AKAP13: variants seen among roughly 807,000 people sequenced by gnomAD.
The protein encoded by AKAP13 is A-kinase anchor protein 13.
A neutral mutation model predicts 264.5 loss-of-function variants in AKAP13; 80 were observed. The ratio of observed to expected loss-of-function variants is 0.30; its 90% CI spans 0.25 to 0.36. The LOEUF is 0.36. Among genes scored for constraint, AKAP13 ranks in the 10% least tolerant of loss-of-function variants. AKAP13 has a pLI of 1.00. For missense variants in AKAP13, 3,712 were observed against 3,435.2 expected (o/e 1.08, Z -2.01); for synonymous variants, 1,380 against 1,250.2 (o/e 1.10, Z -2.19).
intron 36 of AKAP13, chr15:85,744,321 T>C (rs1348908283): frequency 5.6e-6 from 2 of 357,634 alleles, no homozygotes; most frequent in African/African-American, 2.2e-5. Context: ...CTTTTTCCCC[T>C]GAATCCTTCT....
At chr15:85,494,819 C>T (rs1016812276) in intron 2 of AKAP13, among the ~76,000 whole-genome samples, 1 of 151,692 alleles carries the variant, frequency 6.6e-6, no homozygotes, top group African/African-American at 2.4e-5. Context: ...AAAGTACATG[C>T]GCAGAGAAGT....
intron 5 of AKAP13, among the ~76,000 whole-genome samples, chr15:85,550,682 C>G (rs1350633145): frequency 6.6e-6 from 1 of 152,132 alleles, no homozygotes; most frequent in Non-Finnish European, 1.5e-5. Flanking sequence ...CATAGTAAAG[C>G]AAAAGATGAA....
chr15:85,594,090 T>C (rs1017544044), intron 8 of AKAP13, among the ~76,000 whole-genome samples: 4 of 152,202 alleles, frequency 2.6e-5, no homozygotes, highest in Admixed American at 1.3e-4. Flanking sequence ...ATTAGGCCCA[T>C]CTTAAGACAG....
intron 1 of AKAP13, among the ~76,000 whole-genome samples, chr15:85,445,610 C>G (rs555749336): frequency 6.6e-6 from 1 of 152,280 alleles, no homozygotes; most frequent in Admixed American, 6.5e-5. Flanking sequence ...TTTGGACTTT[C>G]ATAGCACTGT....
At chr15:85,454,798 C>A (rs1458966786) in intron 1 of AKAP13, among the ~76,000 whole-genome samples, 1 of 152,118 alleles carries the variant, frequency 6.6e-6, no homozygotes, top group African/African-American at 2.4e-5. Flanking sequence ...ACTTTGCACA[C>A]CTTAGTTGTT....
At chr15:85,674,552 A>C (rs1040575137) in intron 14 of AKAP13, among the ~76,000 whole-genome samples, 1 of 152,202 alleles carries the variant, frequency 6.6e-6, no homozygotes, top group African/African-American at 2.4e-5. Flanking sequence ...TGCTTATGGC[A>C]TGTGAGTTTG....
chr15:85,611,991 A>G (rs779071212), intron 8 of AKAP13, among the ~76,000 whole-genome samples: 3 of 152,198 alleles, frequency 2.0e-5, no homozygotes, highest in South Asian at 2.1e-4. Flanking sequence ...TAATTATTTA[A>G]TATCCATTTT....
At chr15:85,593,722 C>T (rs552995535) in intron 8 of AKAP13, among the ~76,000 whole-genome samples, 1 of 152,162 alleles carries the variant, frequency 6.6e-6, no homozygotes, top group South Asian at 2.1e-4. Context: ...GTGTCTCATG[C>T]CACCCCCTCT....
At chr15:85,684,513 A>G (rs545774675) in intron 15 of AKAP13, 12 of 420,358 alleles carry the variant, frequency 2.9e-5, no homozygotes, top group African/African-American at 2.4e-4. Context: ...GCAGTGAGCT[A>G]TCATCACACC....
chr15:85,688,534 A>G (rs754532325), intron 16 of AKAP13, among the ~76,000 whole-genome samples: 7 of 152,204 alleles, frequency 4.6e-5, no homozygotes, highest in Non-Finnish European at 8.8e-5. Context: ...TTCCTTTTGC[A>G]TGATATATAT....
intron 33 of AKAP13, among the ~76,000 whole-genome samples, chr15:85,739,833 C>T (rs2088826677): frequency 6.6e-6 from 1 of 152,134 alleles, no homozygotes; most frequent in Admixed American, 6.5e-5. Flanking sequence ...CCAATTTTCT[C>T]AGAACAATTA....
chr15:85,714,878 A>G (rs571085841), intron 19 of AKAP13, among the ~76,000 whole-genome samples: 2 of 152,236 alleles, frequency 1.3e-5, no homozygotes, highest in African/African-American at 2.4e-5. Flanking sequence ...GCGGCAGGAG[A>G]ATGGCATGAA....
At chr15:85,720,906 G>C (rs947414530) in intron 23 of AKAP13, among the ~76,000 whole-genome samples, 2 of 152,224 alleles carry the variant, frequency 1.3e-5, no homozygotes, top group Admixed American at 1.3e-4. Flanking sequence ...AAGTAAGCAT[G>C]TTATGAAATA....
intron 1 of AKAP13, among the ~76,000 whole-genome samples, chr15:85,447,138 G>A (rs562680234): frequency 2.8e-4 from 42 of 152,132 alleles, no homozygotes; most frequent in African/African-American, 6.5e-4. Context: ...GTGGTGGTGC[G>A]CACCTGTAAT....
In AKAP13 at chr15:85,477,993, G is replaced by A. The variant is rs138652187; in HGVS notation, c.-11-7717G>A. The stretch of plus-strand genomic sequence containing the variant: ...TTCTATCCTGTGCTTCTCCTCCTGT[G>A]TCCACTTGGTGGAACTTTCCCCATG... On this transcript the variant is annotated intron_variant, in intron 1 of 36. Transcript: ENST00000394518. Among the ~76,000 whole-genome samples, 107 of 152,246 alleles carry A rather than the reference G, an allele frequency of 7.0e-4. No homozygotes were observed. In the East Asian group the frequency reaches 0.019, roughly 27 times the overall value.
chr15:85,440,470 AG>A, intron 1 of AKAP13, among the ~76,000 whole-genome samples: 1 of 152,336 alleles, frequency 6.6e-6, no homozygotes, highest in South Asian at 2.1e-4. Context: ...TTGATACTGA[AG>A]AGCTGATGCA....
At chr15:85,584,779 T>C (rs1368010787) in intron 7 of AKAP13, among the ~76,000 whole-genome samples, 1 of 152,230 alleles carries the variant, frequency 6.6e-6, no homozygotes, top group Non-Finnish European at 1.5e-5. Context: ...TGCTCTTTAG[T>C]GTGGGGAGCA....
At chr15:85,576,233 A>C (rs1433936964) in intron 6 of AKAP13, among the ~76,000 whole-genome samples, 2 of 152,228 alleles carry the variant, frequency 1.3e-5, no homozygotes, top group Non-Finnish European at 2.9e-5. Context: ...TAACTTTACA[A>C]AATGAAAGAA....
At chr15:85,689,345 C>T (rs2085132350) in intron 16 of AKAP13, among the ~76,000 whole-genome samples, 1 of 152,200 alleles carries the variant, frequency 6.6e-6, no homozygotes, top group South Asian at 2.1e-4. Flanking sequence ...GATTAAAGAT[C>T]TGTAACATGA....
Sources: allele counts gnomAD v4.1 joint callset (sites outside exome capture counted in the v4.1 genomes callset), GRCh38; gene constraint gnomAD v4.1.1; transcripts MANE v1.5; gene names NCBI Gene and HGNC (gene_info 2026-07-23, HGNC 2026-07-21).